Variants in DOCK7 observed in about 807,000 individuals in gnomAD.
DOCK7 encodes the protein dedicator of cytokinesis protein 7.
In DOCK7, 138 loss-of-function variants were observed where a neutral mutation model predicts 271.0. The observed-to-expected ratio is 0.51, with a 90% confidence interval of 0.44 to 0.59. The LOEUF (loss-of-function observed/expected upper bound fraction) is 0.59. Ranked by LOEUF, DOCK7 falls within the 20% of genes least tolerant of loss-of-function variation. The pLI, the probability that DOCK7 is intolerant of heterozygous loss-of-function variation, is 0.00. For missense variants in DOCK7, 2,066 were observed against 2,592.4 expected (o/e 0.80, Z 4.41); for synonymous variants, 823 against 876.1 (o/e 0.94, Z 1.07).
chr1:62,523,844 G>T (rs1644921631), intron 31 of DOCK7, among the ~76,000 whole-genome samples: 1 of 152,028 alleles, frequency 6.6e-6, no homozygotes, highest in Non-Finnish European at 1.5e-5. Context: ...TCCAGCCTGG[G>T]TGACAGAGCA....
intron 1 of DOCK7, among the ~76,000 whole-genome samples, chr1:62,687,858 C>G (rs911144059): frequency 6.6e-6 from 1 of 152,022 alleles, no homozygotes; most frequent in Non-Finnish European, 1.5e-5. Context: ...CGGCGGCCCC[C>G]GACGAGCCCG....
intron 31 of DOCK7, among the ~76,000 whole-genome samples, chr1:62,526,572 G>C (rs1356207674): frequency 6.6e-6 from 1 of 151,936 alleles, no homozygotes. Context: ...TCCACTCTTA[G>C]GTATCTACCT....
chr1:62,566,269 A>C (rs1452538068), intron 18 of DOCK7, among the ~76,000 whole-genome samples: 6 of 152,328 alleles, frequency 3.9e-5, no homozygotes, highest in African/African-American at 1.4e-4. Flanking sequence ...ACAAAGCTGG[A>C]GGCATCACAC....
At chr1:62,639,912 T>TA (rs1165478545) in intron 7 of DOCK7, among the ~76,000 whole-genome samples, 2 of 151,492 alleles carry the variant, frequency 1.3e-5, no homozygotes, top group Non-Finnish European at 2.9e-5. Context: ...TTTTTTTTTT[T>TA]AAGTATATTC....
rs955603484 is a variant in DOCK7, at chr1:62,459,969, T to C, written c.6213-2264A>G. 1.8e-4 allele frequency among the ~76,000 whole-genome samples: 28 copies of C among 151,414 alleles called. No individual in the cohort carries two copies. The South Asian group carries it at 1.9e-3, about 10-fold the overall frequency. ...ACAAAAAATTAGCCAGGTGTGGTGG[T>C]GGGTGCCTGTAGTCCCAGCTACTGG... On this transcript the variant is annotated intron_variant, in intron 48 of 49. Coordinates refer to ENST00000635253, the MANE Select transcript of DOCK7 (RefSeq NM_001367561.1).
intron 49 of DOCK7, 112 bp downstream of exon 49, chr1:62,457,425 TG>T: frequency 9.3e-7 from 1 of 1,078,582 alleles, no homozygotes; most frequent in Non-Finnish European, 1.3e-6. Context: ...CAAACACTTC[TG>T]GTCCTAAGCT....
chr1:62,658,036 C>T (rs1487962167), intron 2 of DOCK7, among the ~76,000 whole-genome samples: 3 of 150,480 alleles, frequency 2.0e-5, no homozygotes, highest in Non-Finnish European at 4.4e-5. Context: ...TTCTAAATTT[C>T]ATAAAAAGAC....
At chr1:62,483,529 C>T (rs1284262385) in intron 43 of DOCK7, 1 of 151,322 alleles carries the variant, frequency 6.6e-6, no homozygotes, top group Non-Finnish European at 1.5e-5. Flanking sequence ...TCATATCTAA[C>T]TTTACCTTTC....
Position 62,489,008 on chromosome 1 carries a change from CT to C in DOCK7, c.5418del (p.Ala1807LeufsTer61), listed in dbSNP as rs1646379664. On this transcript the variant is annotated frameshift_variant, in exon 42 of 50. Coordinates refer to ENST00000635253, the MANE Select transcript of DOCK7 (RefSeq NM_001367561.1). LOFTEE classifies it high-confidence loss of function. ...GATAGTTTCTTTGCATCCCGATTAGCTTCATGAATAGGAATAAGTACTTTGT... is the reference window on the plus strand; with the variant it reads ...GATAGTTTCTTTGCATCCCGATTAGCTCATGAATAGGAATAAGTACTTTGT... ...EVYKVLIPIHEANRDAKKLST... is the reference protein window; with the variant it reads ...EVYKVLIPIHXANRDAKKLST... 6.2e-7 allele frequency: 1 copy of C among 1,612,962 alleles called. No individual in the cohort carries two copies. Among genetic ancestry groups the C allele is most frequent in the Non-Finnish European group, 8.5e-7 (1 of 1,179,350 alleles).
At chr1:62,466,883 A>G (rs761709649) in intron 48 of DOCK7, among the ~76,000 whole-genome samples, 1 of 152,152 alleles carries the variant, frequency 6.6e-6, no homozygotes, top group Non-Finnish European at 1.5e-5. Flanking sequence ...GCGCCATTGC[A>G]ATCAAGCCTG....
At chr1:62,489,673 A>G (rs1646402478) in intron 41 of DOCK7, among the ~76,000 whole-genome samples, 1 of 152,134 alleles carries the variant, frequency 6.6e-6, no homozygotes, top group Non-Finnish European at 1.5e-5. Flanking sequence ...TGAATTGGGC[A>G]TTTTCCTTTT....
chr1:62,482,587 TTACA>T (rs1470529501), intron 43 of DOCK7: 4 of 152,338 alleles, frequency 2.6e-5, no homozygotes, highest in African/African-American at 9.7e-5. Context: ...AGTGCTGGGA[TTACA>T]GACATGAGCC....
At chr1:62,550,423 A>G (rs1645858014) in intron 22 of DOCK7, among the ~76,000 whole-genome samples, 1 of 152,192 alleles carries the variant, frequency 6.6e-6, no homozygotes, top group African/African-American at 2.4e-5. Context: ...TGGGAGATAA[A>G]ATGAGAAAAG....
chr1:62,633,477 A>G, intron 10 of DOCK7, 21 bp downstream of exon 10: 1 of 1,563,316 alleles, frequency 6.4e-7, no homozygotes, highest in Non-Finnish European at 8.8e-7. Flanking sequence ...TGTGGCGGAA[A>G]TGAGAAGCAT....
chr1:62,579,564 T>C (rs1245024388), intron 16 of DOCK7, among the ~76,000 whole-genome samples: 2 of 151,540 alleles, frequency 1.3e-5, no homozygotes, highest in Non-Finnish European at 2.9e-5. Context: ...GACTCATCTC[T>C]ACAAAAAATT....
Position 62,648,425 on chromosome 1 carries a change from TG to T in DOCK7, c.508del (p.Gln170ArgfsTer14). On this transcript the variant is annotated frameshift_variant, in exon 5 of 50. Coordinates refer to ENST00000635253, the MANE Select transcript of DOCK7 (RefSeq NM_001367561.1). LOFTEE classifies it high-confidence loss of function. ...SDEAPDGNSY[Q>X]DDQDDLKRRS... is the part of the protein sequence containing the mutation. ...GAATAAAAGTATTACTTGATCATCC[TG>T]GTAGCTGTTGCCATCTGGAGCTTCA... 1 of 1,539,050 alleles carries T rather than the reference TG, an allele frequency of 6.5e-7. No individual in the cohort carries two copies. Among genetic ancestry groups the T allele is most frequent in the Non-Finnish European group, 8.7e-7 (1 of 1,143,300 alleles).
rs144892501 is a variant in DOCK7, at chr1:62,657,505, AT to A, written c.145-3347del. Among the ~76,000 whole-genome samples, 148 of 152,362 alleles carry A rather than the reference AT, an allele frequency of 9.7e-4. 1 individual carries two copies. The highest frequency in any genetic ancestry group is 3.2e-3 in the African/African-American group (134 of 41,592). ...AAAAGGTCCAAGTTCCAATAAAAAA[AT>A]CTCTCATCATACTAAGAACGAGGAA... On this transcript the variant is annotated intron_variant, in intron 2 of 49. Coordinates refer to ENST00000635253, the MANE Select transcript of DOCK7 (RefSeq NM_001367561.1).
chr1:62,465,866 T>C (rs1351480555), intron 48 of DOCK7, among the ~76,000 whole-genome samples: 1 of 152,128 alleles, frequency 6.6e-6, no homozygotes, highest in Non-Finnish European at 1.5e-5. Context: ...TACCATTTTA[T>C]CTCATATCAA....
intron 37 of DOCK7, among the ~76,000 whole-genome samples, chr1:62,496,914 ACAT>A (rs1295258784): frequency 6.6e-6 from 1 of 152,202 alleles, no homozygotes; most frequent in Non-Finnish European, 1.5e-5. Flanking sequence ...AATTTAACAC[ACAT>A]CATGCATAAA....
Sources: gnomAD v4.1 joint callset for allele counts (sites outside exome capture counted in the v4.1 genomes callset) on GRCh38, gnomAD v4.1.1 for gene constraint, MANE v1.5 for transcripts, NCBI Gene and HGNC (gene_info 2026-07-23, HGNC 2026-07-21) for gene names.